The following NKAIN2 variants were observed in gnomAD, a reference collection of about 807,000 sequenced individuals.
The protein encoded by NKAIN2 is sodium/potassium-transporting ATPase subunit beta-1-interacting protein 2.
In NKAIN2, 14 loss-of-function variants were observed where a neutral mutation model predicts 32.6. That is an observed-to-expected ratio of 0.43 (90% CI 0.28 to 0.67). NKAIN2 has a LOEUF of 0.67. NKAIN2 is among the 30% of genes least tolerant of loss of function. The pLI is 0.17. For missense variants in NKAIN2, 198 were observed against 258.3 expected (o/e 0.77, Z 1.60); for synonymous variants, 80 against 87.2 (o/e 0.92, Z 0.46).
At chr6:124,486,424 T>A (rs936963824) in intron 3 of NKAIN2, among the ~76,000 whole-genome samples, 6 of 152,212 alleles carry the variant, frequency 3.9e-5, no homozygotes, top group Non-Finnish European at 2.9e-5. Flanking sequence ...GCACTGCTTG[T>A]TTTTAGTAAG....
At chr6:124,008,173 C>T (rs147681148) in intron 1 of NKAIN2, among the ~76,000 whole-genome samples, 15 of 152,208 alleles carry the variant, frequency 9.9e-5, no homozygotes, top group Non-Finnish European at 1.8e-4. Flanking sequence ...TCTCCGATCG[C>T]GCTGCTTTGG....
Position 123,943,106 on chromosome 6 carries a change from G to T in NKAIN2, c.54+138852G>T, listed in dbSNP as rs533711397. 5.3e-5 allele frequency among the ~76,000 whole-genome samples: 8 copies of T among 152,006 alleles called. No homozygotes were observed. In the East Asian group the frequency reaches 1.4e-3, roughly 26 times the overall value. On this transcript the variant is annotated intron_variant, in intron 1 of 6. Transcript: ENST00000368417. Reference sequence around the variant, plus strand: ...ACGTTGATAGTTTTAATAATTACACGTTTCTATCAAGAGTAGTTGGAAAGG... The same window carrying T: ...ACGTTGATAGTTTTAATAATTACACTTTTCTATCAAGAGTAGTTGGAAAGG...
At chr6:123,995,080 A>G (rs1779561182) in intron 1 of NKAIN2, among the ~76,000 whole-genome samples, 1 of 152,182 alleles carries the variant, frequency 6.6e-6, no homozygotes, top group African/African-American at 2.4e-5. Context: ...TTCTATTGAC[A>G]TTTGATGACT....
intron 1 of NKAIN2, among the ~76,000 whole-genome samples, chr6:123,966,898 A>C (rs187053207): frequency 3.0e-4 from 46 of 152,288 alleles, no homozygotes; most frequent in Non-Finnish European, 5.3e-4. Context: ...GACATTTCCA[A>C]TCTAAAGTAG....
intron 1 of NKAIN2, among the ~76,000 whole-genome samples, chr6:124,185,960 T>C (rs920436154): frequency 6.6e-6 from 1 of 151,818 alleles, no homozygotes; most frequent in Non-Finnish European, 1.5e-5. Flanking sequence ...TATAAAGCAT[T>C]TGCTTGTTAC....
chr6:124,413,452 AT>A (rs1470603920), intron 3 of NKAIN2, among the ~76,000 whole-genome samples: 1 of 152,074 alleles, frequency 6.6e-6, no homozygotes, highest in Non-Finnish European at 1.5e-5. Context: ...CGCTGTATTG[AT>A]TTCTGTAACT....
chr6:124,060,752 TTTAA>T (rs1483373237), intron 1 of NKAIN2, among the ~76,000 whole-genome samples: 1 of 152,164 alleles, frequency 6.6e-6, no homozygotes, highest in African/African-American at 2.4e-5. Flanking sequence ...ATCGTCAGTG[TTTAA>T]TTATAAAACT....
At chr6:124,238,168 CA>C (rs764992402) in intron 1 of NKAIN2, among the ~76,000 whole-genome samples, 6 of 151,362 alleles carry the variant, frequency 4.0e-5, no homozygotes, top group Non-Finnish European at 7.4e-5. Context: ...AAAGGTTAGC[CA>C]GGGGGGAAGA....
intron 1 of NKAIN2, among the ~76,000 whole-genome samples, chr6:124,127,936 C>G (rs1240160265): frequency 6.6e-6 from 1 of 152,138 alleles, no homozygotes; most frequent in Non-Finnish European, 1.5e-5. Context: ...AAGTGATTCT[C>G]CTACCTCACA....
chr6:123,945,959 CTG>C (rs1397214832), intron 1 of NKAIN2, among the ~76,000 whole-genome samples: 4 of 152,166 alleles, frequency 2.6e-5, no homozygotes, highest in Admixed American at 1.3e-4. Context: ...GTTTCTGACA[CTG>C]TATCATTTCC....
intron 3 of NKAIN2, among the ~76,000 whole-genome samples, chr6:124,373,847 G>A (rs1055594011): frequency 6.6e-6 from 1 of 152,100 alleles, no homozygotes; most frequent in African/African-American, 2.4e-5. Context: ...TATTAAATGA[G>A]GTGAGGTGAG....
intron 1 of NKAIN2, among the ~76,000 whole-genome samples, chr6:124,060,944 G>C (rs1284031738): frequency 2.0e-5 from 3 of 152,070 alleles, no homozygotes; most frequent in Non-Finnish European, 4.4e-5. Context: ...GATAAAAAAA[G>C]AGCATTGCTA....
intron 1 of NKAIN2, among the ~76,000 whole-genome samples, chr6:124,256,026 T>C (rs1793912283): frequency 1.3e-5 from 2 of 152,198 alleles, no homozygotes; most frequent in South Asian, 4.1e-4. Context: ...AGAAAGTTGA[T>C]TTTAGACATC....
chr6:124,214,210 A>G (rs1346825249), intron 1 of NKAIN2, among the ~76,000 whole-genome samples: 2 of 152,192 alleles, frequency 1.3e-5, no homozygotes, highest in African/African-American at 4.8e-5. Flanking sequence ...ACTTCGAAAG[A>G]GATTAAGAAA....
At chr6:124,462,801 C>T (rs936104480) in intron 3 of NKAIN2, among the ~76,000 whole-genome samples, 7 of 152,022 alleles carry the variant, frequency 4.6e-5, no homozygotes, top group African/African-American at 1.7e-4. Context: ...TTGAGTACCA[C>T]ATCAGAGAAA....
In NKAIN2 at chr6:124,648,097, G is replaced by A. The variant is rs1230670847; in HGVS notation, c.274-10089G>A. 3.3e-5 allele frequency among the ~76,000 whole-genome samples: 5 copies of A among 152,290 alleles called. No homozygotes were observed. In the South Asian group the frequency reaches 1.0e-3, roughly 32 times the overall value. ...TTTACTCAAGACCATTGCAATGGGA[G>A]AGAAGACCACTGCAGAAGAGAGACA... On this transcript the variant is annotated intron_variant, in intron 3 of 6. Coordinates refer to ENST00000368417, the MANE Select transcript of NKAIN2 (RefSeq NM_001040214.3).
At chr6:123,938,966 A>G (rs1048480458) in intron 1 of NKAIN2, among the ~76,000 whole-genome samples, 1 of 151,982 alleles carries the variant, frequency 6.6e-6, no homozygotes, top group African/African-American at 2.4e-5. Flanking sequence ...TTTGGTGACT[A>G]AGATAAGGCA....
At chr6:124,485,191 A>C (rs867260567) in intron 3 of NKAIN2, among the ~76,000 whole-genome samples, 6 of 152,156 alleles carry the variant, frequency 3.9e-5, no homozygotes, top group Admixed American at 6.5e-5. Flanking sequence ...CATCACTTGG[A>C]AAGTTATTAG....
intron 1 of NKAIN2, among the ~76,000 whole-genome samples, chr6:124,096,162 A>G (rs998595345): frequency 1.3e-5 from 2 of 152,226 alleles, no homozygotes; most frequent in Non-Finnish European, 2.9e-5. Flanking sequence ...GTGAACTATT[A>G]TAACTACAAG....
Sources: gnomAD v4.1 joint callset for allele counts (sites outside exome capture counted in the v4.1 genomes callset) on GRCh38, gnomAD v4.1.1 for gene constraint, MANE v1.5 for transcripts, NCBI Gene and HGNC (gene_info 2026-07-23, HGNC 2026-07-21) for gene names.